DCAF17: variants seen among roughly 807,000 people sequenced by gnomAD.
DCAF17 encodes the protein DDB1- and CUL4-associated factor 17.
In DCAF17, 48 loss-of-function variants were observed where a neutral mutation model predicts 66.0. That is an observed-to-expected ratio of 0.73 (90% CI 0.58 to 0.92). The LOEUF is 0.92. Ranked by LOEUF, DCAF17 falls within the 40% of genes least tolerant of loss-of-function variation. The pLI is 0.00. For missense variants in DCAF17, 562 were observed against 622.8 expected (o/e 0.90, Z 1.04); for synonymous variants, 206 against 214.6 (o/e 0.96, Z 0.35).
chr2:171,478,933 G>T (rs765263586), intron 12 of DCAF17, among the ~76,000 whole-genome samples: 1 of 152,148 alleles, frequency 6.6e-6, no homozygotes, highest in East Asian at 1.9e-4. Flanking sequence ...ATTCATTAAG[G>T]GGGGAGAGGT....
chr2:171,476,656 C>T (rs912089733), intron 10 of DCAF17, among the ~76,000 whole-genome samples: 1 of 152,300 alleles, frequency 6.6e-6, no homozygotes. Flanking sequence ...ACAGTTCCCA[C>T]GTTTTTCTGT....
rs757358425 is a variant in DCAF17 at position 171,448,924 on chromosome 2, A to G, written c.458+107A>G. ...CCTGTCAGTTTTCTAATCCATTACC[A>G]GATCTCAATTAATAAACCTATTTTC... On this transcript the variant is annotated intron_variant, in intron 4 of 13. Coordinates refer to ENST00000375255, the MANE Select transcript of DCAF17 (RefSeq NM_025000.4). 52 of 986,378 alleles carry G rather than the reference A, an allele frequency of 5.3e-5. 1 individual carries two copies. Among genetic ancestry groups the G allele is most frequent in the Middle Eastern group, 3.2e-4 (1 of 3,172 alleles). 61.1% of individuals were successfully genotyped at this position (986,378 alleles called of 1,614,324 possible).
intron 10 of DCAF17, among the ~76,000 whole-genome samples, chr2:171,475,601 C>CA (rs1696460371): frequency 6.6e-6 from 1 of 151,932 alleles, no homozygotes; most frequent in South Asian, 2.1e-4. Context: ...TTCGTCTCTA[C>CA]AAAAAATAAA....
chr2:171,459,546 A>G (rs142869317), intron 8 of DCAF17, among the ~76,000 whole-genome samples: 20 of 152,310 alleles, frequency 1.3e-4, no homozygotes, highest in Non-Finnish European at 2.5e-4. Flanking sequence ...CATGTTGAAC[A>G]CATTCCTCTT....
At chr2:171,442,438 C>T (rs977214926) in intron 2 of DCAF17, among the ~76,000 whole-genome samples, 4 of 151,676 alleles carry the variant, frequency 2.6e-5, no homozygotes, top group African/African-American at 9.7e-5. Flanking sequence ...GTAGCATGCA[C>T]CTGTAATCCC....
Position 171,483,874 on chromosome 2 carries a change from G to T in DCAF17, c.*2760G>T. The T allele has an allele frequency of 4.4e-6, 2 of 454,070 alleles. No individual in the cohort carries two copies. The highest frequency in any genetic ancestry group is 3.1e-5 in the South Asian group (2 of 64,476). 28.1% of individuals were successfully genotyped at this position (454,070 alleles called of 1,614,324 possible). A position where few individuals can be genotyped will look rare whatever the true frequency, so the allele number is the denominator to read the frequency against. ...AGAGGTGGGAAACATAACCAGATTT[G>T]TTCGGCATGAACTTGTGCCAAATTT... On this transcript the variant is annotated 3_prime_UTR_variant, in exon 14 of 14. Transcript: ENST00000375255.
rs111508787 is a variant in DCAF17 at position 171,481,134 on chromosome 2, A to AC, written c.*22dup. ...TGTTAAAAAGAGTGAGATAATTGTA[A>AC]CCTAAGAGACTTTTAGCCAAACACC... is the stretch of plus-strand genomic sequence containing the variant. On this transcript the variant is annotated 3_prime_UTR_variant, in exon 14 of 14. Transcript: ENST00000375255. 1.2e-4 allele frequency: 201 copies of AC among 1,613,100 alleles called. 3 individuals carry two copies. In the African/African-American group the frequency reaches 2.2e-3, roughly 18 times the overall value.
In DCAF17 at chr2:171,481,419, G is replaced by C. The variant is rs1696740881; in HGVS notation, c.*305G>C. The C allele has an allele frequency of 2.1e-6, 1 of 482,396 alleles. No individual in the cohort carries two copies. The highest frequency in any genetic ancestry group is 2.0e-5 in the African/African-American group (1 of 51,176). The allele number at this position is 482,396 out of a possible 1,614,324, so 29.9% of individuals were successfully genotyped here. On this transcript the variant is annotated 3_prime_UTR_variant, in exon 14 of 14. Coordinates refer to ENST00000375255, the MANE Select transcript of DCAF17 (RefSeq NM_025000.4). ...AGGACAGGTTAATTCCAATTGTTGA[G>C]GAGTTAAGTCATTGATGGGGTGGGT... is the stretch of plus-strand genomic sequence containing the variant.
At position 171,434,502 on chromosome 2, in the gene DCAF17, C is replaced by T. The variant is rs1693639025; in HGVS notation, c.-76C>T. On this transcript the variant is annotated 5_prime_UTR_variant, in exon 1 of 14. Transcript: ENST00000375255. ...TCTGGGCCTCGAAATTCGAAGGCAG[C>T]GGCGGCTGCCCAGCACGGGAGTGTG... 1.3e-6 allele frequency: 2 copies of T among 1,521,732 alleles called. No homozygotes were observed. The highest frequency in any genetic ancestry group is 1.4e-5 in the African/African-American group (1 of 72,312). 94.3% of individuals were successfully genotyped at this position (1,521,732 alleles called of 1,614,324 possible).
intron 9 of DCAF17, among the ~76,000 whole-genome samples, chr2:171,472,437 C>T (rs1031943081): frequency 6.6e-6 from 1 of 152,202 alleles, no homozygotes; most frequent in African/African-American, 2.4e-5. Context: ...CCTCGGCCTC[C>T]CAAAGTGCTA....
rs1163338220 is a variant in DCAF17, at chr2:171,443,375, GA to G, written c.231-141del. ...TTTTTTTATATGAATTATGTGATCA[GA>G]AAAAAATATTAATATTTAGTTAAGA... is the stretch of plus-strand genomic sequence containing the variant. On this transcript the variant is annotated intron_variant, in intron 2 of 13. Transcript: ENST00000375255. 27 of 609,470 alleles carry G rather than the reference GA, an allele frequency of 4.4e-5. No individual in the cohort carries two copies. The Admixed American group carries it at 7.4e-4, about 17-fold the overall frequency. The allele number at this position is 609,470 out of a possible 1,614,324, so 37.8% of individuals were successfully genotyped here.
Position 171,458,465 on chromosome 2 carries a change from A to G in DCAF17, c.826A>G (p.Ile276Val), listed in dbSNP as rs370438709. The G allele has an allele frequency of 4.3e-6, 7 of 1,613,062 alleles. No homozygotes were observed. Among genetic ancestry groups the G allele is most frequent in the Admixed American group, 3.3e-5 (2 of 59,982 alleles). ...GEAPFGIPCN[I>V]KITDMPPLLF... ...GGCTCCTTTTGGCATTCCTTGTAAT[A>G]TTAAAATCACAGGTATGGCTACTCT... The change falls in exon 8 of 14, where the codon ATT becomes GTT. Residue 276 changes from isoleucine (I) to valine (V), a missense_variant. Ile to Val is a conservative substitution (Grantham distance 29). Transcript: ENST00000375255.
At chr2:171,444,037 T>C (rs919826812) in intron 3 of DCAF17, among the ~76,000 whole-genome samples, 3 of 152,180 alleles carry the variant, frequency 2.0e-5, no homozygotes, top group Admixed American at 2.0e-4. Context: ...GATAAGCTCA[T>C]TTCATAAGGC....
At chr2:171,472,840 G>T (rs981247467) in intron 9 of DCAF17, 3 of 279,514 alleles carry the variant, frequency 1.1e-5, no homozygotes, top group Admixed American at 5.2e-5. Context: ...ATATCTAGTA[G>T]GAAATATGGC....
intron 2 of DCAF17, among the ~76,000 whole-genome samples, chr2:171,441,512 C>T (rs1373486166): frequency 6.6e-6 from 1 of 152,134 alleles, no homozygotes; most frequent in Non-Finnish European, 1.5e-5. Flanking sequence ...AGAAGGGACC[C>T]CCACCTCTTG....
chr2:171,458,231 CA>C (rs1695372765), intron 7 of DCAF17, 140 bp from the exon 8 acceptor site: 3 of 1,008,298 alleles, frequency 3.0e-6, no homozygotes, highest in Admixed American at 1.9e-5. Flanking sequence ...ACCTTTAAAG[CA>C]GGGGTGGGGA....
At chr2:171,443,009 C>T (rs879090266) in intron 2 of DCAF17, 1 of 152,052 alleles carries the variant, frequency 6.6e-6, no homozygotes, top group Admixed American at 6.6e-5. Context: ...ATTTACTCAA[C>T]CTTTCTGAAA....
chr2:171,460,633 T>A (rs1234110259), intron 8 of DCAF17, among the ~76,000 whole-genome samples: 1 of 151,956 alleles, frequency 6.6e-6, no homozygotes, highest in Non-Finnish European at 1.5e-5. Context: ...TGGGCTCAAG[T>A]GATCATCCTA....
intron 8 of DCAF17, among the ~76,000 whole-genome samples, chr2:171,461,801 T>C (rs1384265553): frequency 2.0e-5 from 3 of 152,338 alleles, no homozygotes; most frequent in Non-Finnish European, 4.4e-5. Flanking sequence ...CCTGTGCTCT[T>C]CGCAGTAAAT....
Sources: gnomAD v4.1 joint callset for allele counts (sites outside exome capture counted in the v4.1 genomes callset) on GRCh38, gnomAD v4.1.1 for gene constraint, MANE v1.5 for transcripts, NCBI Gene and HGNC (gene_info 2026-07-23, HGNC 2026-07-21) for gene names.